The following C8orf34 variants were observed in gnomAD, a reference collection of about 807,000 sequenced individuals.
The protein encoded by C8orf34 is uncharacterized protein C8orf34.
A neutral mutation model predicts 68.3 loss-of-function variants in C8orf34; 65 were observed. That is an observed-to-expected ratio of 0.95 (90% CI 0.78 to 1.17). C8orf34 has a LOEUF of 1.17. C8orf34 is among the 50% of genes most tolerant of loss of function. The pLI is 0.00. For synonymous variants in C8orf34, 244 were observed against 241.2 expected (o/e 1.01, Z -0.11); for missense variants, 664 against 655.4 (o/e 1.01, Z -0.14).
intron 7 of C8orf34, among the ~76,000 whole-genome samples, chr8:68,626,691 C>T (rs1413401613): frequency 6.6e-6 from 1 of 152,116 alleles, no homozygotes; most frequent in East Asian, 1.9e-4. Flanking sequence ...TAATAAAGTA[C>T]ACATAGGAAG....
chr8:68,414,316 G>A (rs1190063029), intron 1 of C8orf34, among the ~76,000 whole-genome samples: 1 of 152,104 alleles, frequency 6.6e-6, no homozygotes, highest in African/African-American at 2.4e-5. Context: ...TGCCAGCCTT[G>A]TTTATTATGA....
intron 7 of C8orf34, among the ~76,000 whole-genome samples, chr8:68,538,415 CT>C (rs1373345337): frequency 6.6e-6 from 1 of 151,500 alleles, no homozygotes; most frequent in Non-Finnish European, 1.5e-5. Context: ...GACCTTCCTA[CT>C]CAACAGGGAT....
intron 10 of C8orf34, among the ~76,000 whole-genome samples, chr8:68,744,197 C>T (rs1357938205): frequency 6.6e-6 from 1 of 152,076 alleles, no homozygotes; most frequent in Non-Finnish European, 1.5e-5. Context: ...GGAAAACTAA[C>T]AAACAGAAAG....
At chr8:68,330,741 G>C (rs1354445116), upstream of C8orf34, 3 of 374,680 alleles carry the variant, frequency 8.0e-6, no homozygotes, top group Admixed American at 1.4e-4. Flanking sequence ...GAGCAGCCCG[G>C]GCTGTTTGTT....
chr8:68,686,450 A>T (rs1408776484), intron 8 of C8orf34, among the ~76,000 whole-genome samples: 1 of 152,124 alleles, frequency 6.6e-6, no homozygotes, highest in Non-Finnish European at 1.5e-5. Flanking sequence ...AAGTGGGTTC[A>T]TGCAGACATT....
At chr8:68,474,907 C>T (rs933520954) in intron 4 of C8orf34, among the ~76,000 whole-genome samples, 18 of 152,178 alleles carry the variant, frequency 1.2e-4, no homozygotes, top group Non-Finnish European at 2.1e-4. Flanking sequence ...ACTATTGATT[C>T]GCTTCTCCAT....
chr8:68,565,521 GAAGA>G (rs1329191530), intron 7 of C8orf34, among the ~76,000 whole-genome samples: 1 of 152,176 alleles, frequency 6.6e-6, no homozygotes, highest in Non-Finnish European at 1.5e-5. Context: ...TGCTGGAAGA[GAAGA>G]GAGAAAGGGA....
intron 1 of C8orf34, among the ~76,000 whole-genome samples, chr8:68,404,678 T>C (rs1394722666): frequency 6.6e-6 from 1 of 152,194 alleles, no homozygotes; most frequent in Non-Finnish European, 1.5e-5. Flanking sequence ...AAAGATCAGA[T>C]TGTTGTAGAT....
chr8:68,369,808 C>T (rs1239780631), intron 1 of C8orf34, among the ~76,000 whole-genome samples: 1 of 152,230 alleles, frequency 6.6e-6, no homozygotes, highest in African/African-American at 2.4e-5. Context: ...TTGCCAGCCA[C>T]TCAATGTAGC....
intron 7 of C8orf34, among the ~76,000 whole-genome samples, chr8:68,575,731 C>G (rs1816882302): frequency 6.6e-6 from 1 of 151,898 alleles, no homozygotes; most frequent in South Asian, 2.1e-4. Flanking sequence ...GGCCAGTATT[C>G]TGTTTGATCT....
intron 5 of C8orf34, 125 bp downstream of exon 5, chr8:68,488,176 TA>T (rs1813156651): frequency 3.0e-6 from 2 of 656,592 alleles, no homozygotes; most frequent in Non-Finnish European, 4.9e-6. Context: ...GCTAACATTT[TA>T]AAACTTTGAA....
intron 1 of C8orf34, among the ~76,000 whole-genome samples, chr8:68,428,250 A>G (rs1483035529): frequency 6.6e-6 from 1 of 152,068 alleles, no homozygotes; most frequent in East Asian, 1.9e-4. Context: ...AAATGATCCC[A>G]GATGGATGGT....
rs1818422122 is a variant in C8orf34 at position 68,622,674 on chromosome 8, T to C, written c.1106-17702T>C. Among the ~76,000 whole-genome samples the C allele has an allele frequency of 2.0e-5, 3 of 152,130 alleles. No individual in the cohort carries two copies. In the South Asian group the frequency reaches 6.2e-4, roughly 31 times the overall value. On this transcript the variant is annotated intron_variant, in intron 7 of 13. Transcript: ENST00000518698. ...TTTGTTAGTCATGGTATTTAGTGGC[T>C]GCGTAAACAGAGTGAGATCAATTGT...
intron 8 of C8orf34, among the ~76,000 whole-genome samples, chr8:68,703,494 T>A (rs1821077124): frequency 6.6e-6 from 1 of 152,102 alleles, no homozygotes; most frequent in Non-Finnish European, 1.5e-5. Context: ...AGCAACTTTG[T>A]GCAAATGCAA....
At position 68,611,425 on chromosome 8, in the gene C8orf34, G is replaced by T. The variant is rs567827318; in HGVS notation, c.1106-28951G>T. Among the ~76,000 whole-genome samples the T allele has an allele frequency of 3.9e-5, 6 of 152,198 alleles. No homozygotes were observed. In the South Asian group the frequency reaches 1.2e-3, roughly 32 times the overall value. ...GGGTAAAATACTTTGATTTCAAGAG[G>T]TCCTCTCTAGGATTGTTAGCCCACA... On this transcript the variant is annotated intron_variant, in intron 7 of 13. Transcript: ENST00000518698.
chr8:68,704,232 G>C (rs1432345866), intron 8 of C8orf34, among the ~76,000 whole-genome samples: 1 of 152,070 alleles, frequency 6.6e-6, no homozygotes, highest in African/African-American at 2.4e-5. Context: ...ATTTGCACAG[G>C]TGCTAAGACT....
intron 5 of C8orf34, among the ~76,000 whole-genome samples, chr8:68,504,987 G>A (rs533397361): frequency 6.6e-6 from 1 of 152,092 alleles, no homozygotes; most frequent in Non-Finnish European, 1.5e-5. Flanking sequence ...CCTAAGTTTT[G>A]TATTTTTAGT....
intron 1 of C8orf34, among the ~76,000 whole-genome samples, chr8:68,437,292 A>G (rs1810705521): frequency 6.6e-6 from 1 of 152,192 alleles, no homozygotes; most frequent in Non-Finnish European, 1.5e-5. Context: ...GAAACTTTCC[A>G]TCTACTCTGA....
At chr8:68,330,650 C>T (rs1187444024), upstream of C8orf34, 2 of 208,746 alleles carry the variant, frequency 9.6e-6, no homozygotes, top group East Asian at 2.4e-4. Context: ...TTTATGTGCA[C>T]TTTGAAAGAA....
Sources: gnomAD v4.1 joint callset for allele counts (sites outside exome capture counted in the v4.1 genomes callset) on GRCh38, gnomAD v4.1.1 for gene constraint, MANE v1.5 for transcripts, NCBI Gene and HGNC (gene_info 2026-07-23, HGNC 2026-07-21) for gene names.